Variants in THBS3 observed in about 807,000 individuals in gnomAD.
THBS3 encodes thrombospondin-3.
THBS3 carries 78 observed loss-of-function variants against 118.3 expected under a neutral mutation model. The ratio of observed to expected loss-of-function variants is 0.66; its 90% CI spans 0.55 to 0.80. THBS3 has a LOEUF of 0.80. THBS3 is among the 30% of genes least tolerant of loss of function. The pLI, the probability that THBS3 is intolerant of heterozygous loss-of-function variation, is 0.00. For synonymous variants in THBS3, 427 were observed against 475.3 expected, an observed-to-expected ratio of 0.90 and a Z score of 1.32; for missense variants, 1,057 against 1,247.4, an observed-to-expected ratio of 0.85 and a Z score of 2.30.
In THBS3 at chr1:155,197,702, T is replaced by G. The variant is rs773176132; in HGVS notation, c.2303-43A>C. The G allele has an allele frequency of 6.2e-7, 1 of 1,606,184 alleles. No homozygotes were observed. Among genetic ancestry groups the G allele is most frequent in the South Asian group, 1.1e-5 (1 of 90,844 alleles). The stretch of plus-strand genomic sequence containing the variant: ...TAAAGGTCAGGGGCAGCAAAGCTAC[T>G]GGCGGCCCATCATGGGGTAAAGTTG... On this transcript the variant is annotated intron_variant, in intron 19 of 22. Transcript: ENST00000368378. The surrounding 1 kb of genome is among the most constrained non-coding windows in gnomAD (Gnocchi z 5.0).
upstream of THBS3, chr1:155,208,790 C>T: frequency 6.8e-7 from 1 of 1,463,044 alleles, no homozygotes; most frequent in Non-Finnish European, 9.1e-7. Context: ...CCAAACATAA[C>T]GCGCTGTGGA....
At chr1:155,208,224 C>G (rs891158661), upstream of THBS3, among the ~76,000 whole-genome samples, 1 of 152,220 alleles carries the variant, frequency 6.6e-6, no homozygotes, top group African/African-American at 2.4e-5. Context: ...AGGCAAGAAC[C>G]CCTGGCAGGG....
In THBS3 at chr1:155,201,467, G is replaced by A; in HGVS notation, c.1279C>T (p.His427Tyr). The change falls in exon 11 of 23, where the codon CAC becomes TAC. Residue 427 changes from histidine to tyrosine, a missense_variant. Physicochemically the swap from His to Tyr is moderately conservative, Grantham distance 83. This residue lies in a region of THBS3 where 544 missense variants were observed against 715.6 expected (regional missense o/e 0.76). Coordinates refer to ENST00000368378, the MANE Select transcript of THBS3 (RefSeq NM_007112.5). ...TCAAAGAGACAGTGAGCATGGATGT[G>A]GCAGGGGCTGTGGGCTGGGCTGTGG... is the stretch of plus-strand genomic sequence containing the variant. ...TCHSPAHSPC[H>Y]IHAHCLFERN... 6.2e-7 allele frequency: 1 copy of A among 1,613,638 alleles called. No homozygotes were observed. Among genetic ancestry groups the A allele is most frequent in the Non-Finnish European group, 8.5e-7 (1 of 1,179,724 alleles).
chr1:155,197,965 G>C lies in THBS3; in HGVS notation c.2254-37C>G. 1 of 1,614,082 alleles carries C rather than the reference G, an allele frequency of 6.2e-7. No homozygotes were observed. The highest frequency in any genetic ancestry group is 8.5e-7 in the Non-Finnish European group (1 of 1,180,004). ...TAGTAAAGAAAAAGCTGTGATGCAG[G>C]TGTGCTATCCCTCCCAGGCCCCCCG... is the stretch of plus-strand genomic sequence containing the variant. On this transcript the variant is annotated intron_variant, in intron 18 of 22. Transcript: ENST00000368378. The surrounding 1 kb of genome is among the most constrained non-coding windows in gnomAD (Gnocchi z 5.0).
chr1:155,208,558 G>C (rs1670869681), upstream of THBS3: 2 of 466,564 alleles, frequency 4.3e-6, no homozygotes, highest in Admixed American at 7.6e-5. Context: ...AAGACCAGGG[G>C]TACAGGCGAG....
rs1312086751 is a variant in THBS3, at chr1:155,195,831, G to A, written c.*10C>T. ...TAAAATTCTGAATTCTGAATCTGGT[G>A]GCCTCCTCCTCACACCCTTCCCTGG... On this transcript the variant is annotated 3_prime_UTR_variant, in exon 23 of 23. Transcript: ENST00000368378. 1.9e-6 allele frequency: 3 copies of A among 1,613,486 alleles called. No homozygotes were observed. In the South Asian group the frequency reaches 3.3e-5, roughly 18 times the overall value.
chr1:155,201,554 C>T lies in THBS3; in HGVS notation c.1192G>A (p.Gly398Ser). The change falls in exon 11 of 23, where the codon GGT (glycine) becomes AGT (serine). Residue 398 changes from glycine to serine, a missense_variant. Gly to Ser is a moderately conservative substitution (Grantham distance 56). Around this residue, in one of 3 missense-constraint regions of THBS3, gnomAD observed 544 missense variants for 715.6 expected, o/e 0.76. Coordinates refer to ENST00000368378, the MANE Select transcript of THBS3 (RefSeq NM_007112.5). ...CCCAGGAAACCCAGGCGGCAGGGAC[C>T]ACACTTGAAAGAGCCCTAAGAGTGG... ...CTNTVGSFKCGPCRLGFLGNQ... is the reference protein window; with the variant it reads ...CTNTVGSFKCSPCRLGFLGNQ... 6.2e-7 allele frequency: 1 copy of T among 1,614,034 alleles called. No homozygotes were observed. The highest frequency in any genetic ancestry group is 1.1e-5 in the South Asian group (1 of 91,068).
chr1:155,198,316 C>A, intron 17 of THBS3, 93 bp downstream of exon 17: 1 of 1,586,358 alleles, frequency 6.3e-7, no homozygotes, highest in South Asian at 1.2e-5. Flanking sequence ...CATCTTTCCC[C>A]ACCTTGCCCT....
Position 155,200,464 on chromosome 1 carries a change from G to A in THBS3, c.1695C>T (p.Asp565=), listed in dbSNP as rs1258099182. 1.3e-5 allele frequency: 21 copies of A among 1,613,754 alleles called. No homozygotes were observed. Among genetic ancestry groups the A allele is most frequent in the East Asian group, 8.9e-5 (4 of 44,872 alleles). ...GNGEGDACDN[D]VDGDGIPNGL... is the part of the protein sequence containing the mutation. ...CCAGGCCTGCACCATCCCCATCCAC[G>A]TCGTTGTCACAGGCATCTCCTTCCC... The change falls in exon 14 of 23, where the codon GAC becomes GAT. Residue 565 remains aspartate (D), a synonymous_variant. Transcript: ENST00000368378.
intron 4 of THBS3, 175 bp downstream of exon 4, chr1:155,204,679 TG>T: frequency 1.6e-6 from 1 of 629,736 alleles, no homozygotes; most frequent in Non-Finnish European, 2.8e-6. Flanking sequence ...TTTTCTCGGA[TG>T]GGTGTATTGG....
In THBS3 at chr1:155,200,629, G is replaced by A; in HGVS notation, c.1549-19C>T. On this transcript the variant is annotated intron_variant, in intron 13 of 22. Coordinates refer to ENST00000368378, the MANE Select transcript of THBS3 (RefSeq NM_007112.5). ...AGTTGTCCTGGGCAGAGGGGTGGGA[G>A]GGGAAGGGTCAGGTCTCCCCTAAAT... is the stretch of plus-strand genomic sequence containing the variant. The A allele has an allele frequency of 6.2e-7, 1 of 1,612,784 alleles. No homozygotes were observed. The highest frequency in any genetic ancestry group is 8.5e-7 in the Non-Finnish European group (1 of 1,179,198).
chr1:155,200,137 GT>G, intron 14 of THBS3, 24 bp from the exon 15 acceptor site: 1 of 1,512,906 alleles, frequency 6.6e-7, no homozygotes, highest in Non-Finnish European at 8.9e-7. Flanking sequence ...GTAGCACAAG[GT>G]TGTTACTAGA....
Position 155,197,772 on chromosome 1 carries a change from T to C in THBS3, c.2302+108A>G. Reference sequence around the variant, plus strand: ...TATGTGGCCAGCTTGTGCCACTGCCTTCTCTCTCGCCACTTTGCCCATTCT... The same window carrying C: ...TATGTGGCCAGCTTGTGCCACTGCCCTCTCTCTCGCCACTTTGCCCATTCT... On this transcript the variant is annotated intron_variant, in intron 19 of 22. Coordinates refer to ENST00000368378, the MANE Select transcript of THBS3 (RefSeq NM_007112.5). The surrounding 1 kb of genome is among the most constrained non-coding windows in gnomAD (Gnocchi z 5.0). 1 of 1,591,450 alleles carries C rather than the reference T, an allele frequency of 6.3e-7. No individual in the cohort carries two copies. The highest frequency in any genetic ancestry group is 8.6e-7 in the Non-Finnish European group (1 of 1,161,282).
rs551979843 is a variant in THBS3, at chr1:155,206,711, G to A, written c.80-305C>T. Among the ~76,000 whole-genome samples the A allele has an allele frequency of 6.6e-5, 10 of 151,964 alleles. No individual in the cohort carries two copies. In the South Asian group the frequency reaches 8.3e-4, roughly 13 times the overall value. On this transcript the variant is annotated intron_variant, in intron 1 of 22. Coordinates refer to ENST00000368378, the MANE Select transcript of THBS3 (RefSeq NM_007112.5). This position sits in a 1 kb window ranked among gnomAD's most constrained non-coding sequence, Gnocchi z 4.2. Reference sequence around the variant, plus strand: ...AAACCACCTAGCCGGGCGTGGTGGCGGGCACCTGTAATCCCAGCTACTCAG... The same window carrying A: ...AAACCACCTAGCCGGGCGTGGTGGCAGGCACCTGTAATCCCAGCTACTCAG...
upstream of THBS3, among the ~76,000 whole-genome samples, chr1:155,208,333 G>A (rs919162968): frequency 1.3e-5 from 2 of 152,220 alleles, no homozygotes; most frequent in African/African-American, 4.8e-5. Context: ...ATGCCCACAT[G>A]GCATGAATTT....
In THBS3 at chr1:155,200,605, G is replaced by C; in HGVS notation, c.1554C>G (p.Asn518Lys). The C allele has an allele frequency of 6.2e-7, 1 of 1,613,254 alleles. No homozygotes were observed. The highest frequency in any genetic ancestry group is 8.5e-7 in the Non-Finnish European group (1 of 1,179,212). The change falls in exon 14 of 23, where the codon AAC becomes AAG. Residue 518 changes from asparagine to lysine, a missense_variant. Around this residue, in one of 3 missense-constraint regions of THBS3, gnomAD observed 544 missense variants for 715.6 expected, o/e 0.76. Coordinates refer to ENST00000368378, the MANE Select transcript of THBS3 (RefSeq NM_007112.5). ...GGTCTTTGTTGGGGAACAGCCGGCA[G>C]TTGTCCTGGGCAGAGGGGTGGGAGG... ...DGDGIKNVED[N>K]CRLFPNKDQQ...
chr1:155,201,869 C>T (rs1298708906), intron 10 of THBS3, 88 bp downstream of exon 10: 4 of 1,580,300 alleles, frequency 2.5e-6, no homozygotes, highest in Non-Finnish European at 3.5e-6. Context: ...GGAGGAAAGG[C>T]AGCAGGAAAT....
rs1271399426 is a variant in THBS3, at chr1:155,204,820, G to A, written c.646+35C>T. 2.2e-5 allele frequency: 35 copies of A among 1,589,352 alleles called. 1 individual carries two copies. Among genetic ancestry groups the A allele is most frequent in the South Asian group, 4.4e-5 (4 of 90,556 alleles). On this transcript the variant is annotated intron_variant, in intron 4 of 22. Transcript: ENST00000368378. ...GGAGTCACCAAAGGCCACAGGATCC[G>A]TGGTCCAATGTCAGCAAACAAGTCT...
At chr1:155,208,598 G>T, upstream of THBS3, 1 of 571,470 alleles carries the variant, frequency 1.7e-6, no homozygotes, top group South Asian at 2.4e-5. Context: ...GGAACACTGT[G>T]GGTACTAGCG....
Sources: allele counts gnomAD v4.1 joint callset (sites outside exome capture counted in the v4.1 genomes callset), GRCh38; gene constraint gnomAD v4.1.1; regional missense constraint gnomAD v4.1.1; non-coding constraint Gnocchi (gnomAD v3.1); transcripts MANE v1.5; gene names NCBI Gene and HGNC (gene_info 2026-07-23, HGNC 2026-07-21).